SH3GL3: variants seen among roughly 807,000 people sequenced by gnomAD.
The protein encoded by SH3GL3 is SH3 domain containing GRB2 like 3, endophilin A3.
A neutral mutation model predicts 47.7 loss-of-function variants in SH3GL3; 33 were observed. That is an observed-to-expected ratio of 0.69 (90% CI 0.52 to 0.92). The LOEUF is 0.92. Ranked by LOEUF, SH3GL3 falls within the 40% of genes least tolerant of loss-of-function variation. The pLI is 0.00. For missense variants in SH3GL3, 363 were observed against 417.8 expected, an observed-to-expected ratio of 0.87 and a Z score of 1.14; for synonymous variants, 155 against 148.8, an observed-to-expected ratio of 1.04 and a Z score of -0.30.
chr15:83,491,073 G>T (rs1483970782), intron 1 of SH3GL3, among the ~76,000 whole-genome samples: 7 of 152,210 alleles, frequency 4.6e-5, no homozygotes, highest in Non-Finnish European at 7.3e-5. Context: ...AAGGTCTAAT[G>T]TCTAATGTGT....
At chr15:83,627,655 G>C in the SH3GL3 span, among the ~76,000 whole-genome samples, 1 of 152,244 alleles carries the variant, frequency 6.6e-6, no homozygotes, top group African/African-American at 2.4e-5. Context: ...ATTTACTGGG[G>C]ATAGGCTAGG....
chr15:83,493,872 G>A (rs2041977560), intron 1 of SH3GL3, among the ~76,000 whole-genome samples: 1 of 152,206 alleles, frequency 6.6e-6, no homozygotes, highest in Non-Finnish European at 1.5e-5. Context: ...AGGTTGTTGT[G>A]ACTTTGGCCT....
chr15:83,465,262 A>G (rs1596028668), intron 1 of SH3GL3, among the ~76,000 whole-genome samples: 1 of 151,874 alleles, frequency 6.6e-6, no homozygotes, highest in African/African-American at 2.4e-5. Context: ...GTGAGCCAAG[A>G]TTGCACCACT....
At chr15:83,577,807 G>A (rs1429523840) in intron 6 of SH3GL3, among the ~76,000 whole-genome samples, 5 of 152,326 alleles carry the variant, frequency 3.3e-5, no homozygotes, top group African/African-American at 1.2e-4. Flanking sequence ...AGGATTTATG[G>A]TTTCACAGGA....
chr15:83,530,389 A>G (rs1213876984), intron 1 of SH3GL3, among the ~76,000 whole-genome samples: 1 of 152,174 alleles, frequency 6.6e-6, no homozygotes, highest in African/African-American at 2.4e-5. Flanking sequence ...GAACCTCTCC[A>G]GGCTTCTAGC....
intron 3 of SH3GL3, among the ~76,000 whole-genome samples, chr15:83,568,044 G>T (rs1248100309): frequency 6.7e-6 from 1 of 149,294 alleles, no homozygotes; most frequent in Non-Finnish European, 1.5e-5. Flanking sequence ...GTGCAATGGC[G>T]CGATCTTGGC....
chr15:83,581,500 C>T (rs1053565371), intron 6 of SH3GL3, among the ~76,000 whole-genome samples: 2 of 152,204 alleles, frequency 1.3e-5, no homozygotes, highest in Non-Finnish European at 1.5e-5. Flanking sequence ...AGAGCGGGTG[C>T]AGAGACCACA....
rs1236392914 is a variant in SH3GL3 at position 83,618,132 on chromosome 15, G to C, written c.889G>C (p.Glu297Gln). 2 of 1,613,984 alleles carry C rather than the reference G, an allele frequency of 1.2e-6. No homozygotes were observed. The highest frequency in any genetic ancestry group is 1.6e-4 in the Middle Eastern group (1 of 6,062). Residue 297 changes from glutamate (E) to glutamine (Q), a missense_variant, in exon 9 of 9, where the codon GAG becomes CAG. Coordinates refer to ENST00000427482, the MANE Select transcript of SH3GL3 (RefSeq NM_003027.5). ...QPCCRGLYDFEPENQGELGFK... is the reference protein window; with the variant it reads ...QPCCRGLYDFQPENQGELGFK... Reference sequence around the variant, plus strand: ...CTGCTGTCGTGGTCTCTATGACTTTGAGCCAGAAAACCAAGGAGAATTAGG... The same window carrying C: ...CTGCTGTCGTGGTCTCTATGACTTTCAGCCAGAAAACCAAGGAGAATTAGG...
intron 8 of SH3GL3, among the ~76,000 whole-genome samples, chr15:83,591,810 C>T (rs987341035): frequency 6.6e-6 from 1 of 152,194 alleles, no homozygotes; most frequent in Non-Finnish European, 1.5e-5. Context: ...CTCGGCCCCC[C>T]GAGTAGCTGA....
chr15:83,555,523 C>G lies in SH3GL3; in HGVS notation c.46-3730C>G, dbSNP rs552991760. 3.9e-5 allele frequency among the ~76,000 whole-genome samples: 6 copies of G among 152,208 alleles called. No individual in the cohort carries two copies. In the South Asian group the frequency reaches 8.3e-4, roughly 21 times the overall value. On this transcript the variant is annotated intron_variant, in intron 1 of 8. Coordinates refer to ENST00000427482, the MANE Select transcript of SH3GL3 (RefSeq NM_003027.5). ...CACCCAGCTTCCCAAGGCCCCAGTA[C>G]AAAACCGTGGTTTCTGTTCTGTGGT... is the stretch of plus-strand genomic sequence containing the variant.
chr15:83,460,315 A>T lies in SH3GL3; in HGVS notation c.45+12737A>T, dbSNP rs141869719. On this transcript the variant is annotated intron_variant, in intron 1 of 8. Coordinates refer to ENST00000427482, the MANE Select transcript of SH3GL3 (RefSeq NM_003027.5). ...TTGTTCCATGTAACCAGGCAATTTC[A>T]TGTGTCTTTAATTTTTCTAAAAGCC... Among the ~76,000 whole-genome samples, 1,258 of 151,704 alleles carry T rather than the reference A, an allele frequency of 8.3e-3. 21 individuals are homozygous for T. The highest frequency in any genetic ancestry group is 9.0e-3 in the Non-Finnish European group (609 of 67,944).
chr15:83,466,285 G>A (rs1419464801), intron 1 of SH3GL3, among the ~76,000 whole-genome samples: 3 of 152,084 alleles, frequency 2.0e-5, no homozygotes, highest in Non-Finnish European at 4.4e-5. Flanking sequence ...ACATGTGGAA[G>A]GACTTTGGGA....
In SH3GL3 at chr15:83,447,580, T is replaced by C; in HGVS notation, c.45+2T>C. ...AAGCAGTTCCACAAAGCCAGCCAGG[T>C]AGGGAGGCGCAGAGGAGGGAAGGAG... is the stretch of plus-strand genomic sequence containing the variant. On this transcript the variant is annotated splice_donor_variant, in intron 1 of 8. Coordinates refer to ENST00000427482, the MANE Select transcript of SH3GL3 (RefSeq NM_003027.5). LOFTEE classifies it high-confidence loss of function. This position sits in a 1 kb window ranked among gnomAD's most constrained non-coding sequence, Gnocchi z 5.1. The C allele has an allele frequency of 6.7e-7, 1 of 1,501,590 alleles. No homozygotes were observed. Among genetic ancestry groups the C allele is most frequent in the Non-Finnish European group, 8.9e-7 (1 of 1,122,426 alleles). 93.0% of individuals were successfully genotyped at this position (1,501,590 alleles called of 1,614,324 possible). A position where few individuals can be genotyped will look rare whatever the true frequency, so the allele number is the denominator to read the frequency against.
At chr15:83,572,815 TA>T in intron 5 of SH3GL3, 117 bp downstream of exon 5, 1 of 701,278 alleles carries the variant, frequency 1.4e-6, no homozygotes, top group South Asian at 2.1e-5. Context: ...GTGGGTAGGG[TA>T]AAAATGACTC....
chr15:83,535,319 G>A (rs1359211158), intron 1 of SH3GL3, among the ~76,000 whole-genome samples: 1 of 152,128 alleles, frequency 6.6e-6, no homozygotes, highest in East Asian at 1.9e-4. Context: ...GGTTGGACAG[G>A]ATGGCTTGAG....
At chr15:83,501,816 G>A (rs1371235420) in intron 1 of SH3GL3, among the ~76,000 whole-genome samples, 1 of 151,992 alleles carries the variant, frequency 6.6e-6, no homozygotes, top group Non-Finnish European at 1.5e-5. Flanking sequence ...GCTTGAACCC[G>A]GGAAGCTGAG....
intron 1 of SH3GL3, among the ~76,000 whole-genome samples, chr15:83,500,773 A>G (rs1482541337): frequency 1.3e-5 from 2 of 152,178 alleles, no homozygotes; most frequent in East Asian, 3.9e-4. Context: ...ATGGTTGCCT[A>G]GTGGCCTGGA....
chr15:83,628,014 A>G, the SH3GL3 span, among the ~76,000 whole-genome samples: 2 of 152,222 alleles, frequency 1.3e-5, no homozygotes, highest in Admixed American at 6.5e-5. Context: ...AAATAGCTGA[A>G]CTACCACAAC....
chr15:83,467,961 G>A (rs1596035047), intron 1 of SH3GL3, among the ~76,000 whole-genome samples: 1 of 152,092 alleles, frequency 6.6e-6, no homozygotes, highest in Non-Finnish European at 1.5e-5. Flanking sequence ...CCGAGTAGCT[G>A]GGACTACAGG....
Sources: gnomAD v4.1 joint callset for allele counts (sites outside exome capture counted in the v4.1 genomes callset) on GRCh38, gnomAD v4.1.1 for gene constraint, Gnocchi (gnomAD v3.1) non-coding constraint, MANE v1.5 for transcripts, NCBI Gene and HGNC (gene_info 2026-07-23, HGNC 2026-07-21) for gene names.